TMEM62: variants seen among roughly 807,000 people sequenced by gnomAD.
TMEM62 encodes transmembrane protein 62.
TMEM62 carries 41 observed loss-of-function variants against 70.4 expected under a neutral mutation model. The observed-to-expected ratio is 0.58, with a 90% CI of 0.45 to 0.76. The LOEUF is 0.76. Among genes scored for constraint, TMEM62 ranks in the 30% least tolerant of loss-of-function variants. The pLI is 0.00. For synonymous variants in TMEM62, 268 were observed against 291.0 expected (o/e 0.92, Z 0.80); for missense variants, 688 against 788.5 (o/e 0.87, Z 1.53).
chr15:43,160,871 T>C (rs954141084), intron 10 of TMEM62, 77 bp downstream of exon 10: 16 of 701,184 alleles, frequency 2.3e-5, no homozygotes, highest in Non-Finnish European at 3.3e-5. Context: ...CCCTTATCCA[T>C]GATTTCACTT....
chr15:43,159,410 C>A (rs976004147), intron 9 of TMEM62, among the ~76,000 whole-genome samples: 1 of 152,192 alleles, frequency 6.6e-6, no homozygotes, highest in African/African-American at 2.4e-5. Context: ...TTTCTAGCCT[C>A]TGGTAACCAT....
chr15:43,140,079 T>TTG, intron 4 of TMEM62, among the ~76,000 whole-genome samples: 1 of 152,254 alleles, frequency 6.6e-6, no homozygotes, highest in African/African-American at 2.4e-5. Context: ...CTGATTTTTT[T>TTG]TTGTTGTTGT....
At chr15:43,169,781 T>C in intron 11 of TMEM62, 104 bp downstream of exon 11, 2 of 926,310 alleles carry the variant, frequency 2.2e-6, no homozygotes, top group Admixed American at 2.6e-5. Context: ...TGAATGACCA[T>C]GGCCCAGGGA....
At chr15:43,166,184 G>A (rs1480777700) in intron 10 of TMEM62, among the ~76,000 whole-genome samples, 1 of 152,266 alleles carries the variant, frequency 6.6e-6, no homozygotes, top group Admixed American at 6.5e-5. Context: ...CCTTACGTGG[G>A]CTTGGTGGGC....
intron 11 of TMEM62, among the ~76,000 whole-genome samples, chr15:43,171,698 G>C (rs1475869318): frequency 3.5e-5 from 5 of 144,144 alleles, no homozygotes; most frequent in Non-Finnish European, 7.5e-5. Flanking sequence ...CGCAATCTCA[G>C]CTCACTGCAA....
chr15:43,166,555 T>C (rs2039436200), intron 10 of TMEM62, among the ~76,000 whole-genome samples: 1 of 151,938 alleles, frequency 6.6e-6, no homozygotes, highest in South Asian at 2.1e-4. Context: ...CTTGAGGTTT[T>C]TCTTTTTTTT....
intron 10 of TMEM62, among the ~76,000 whole-genome samples, chr15:43,166,154 T>C (rs149349495): frequency 3.3e-3 from 499 of 152,384 alleles, no homozygotes; most frequent in African/African-American, 0.011. Flanking sequence ...CCAAGCCCAG[T>C]AATACTGCAA....
In TMEM62 at chr15:43,149,069, G is replaced by A. The variant is rs140128315; in HGVS notation, c.784G>A (p.Gly262Ser). The A allele has an allele frequency of 6.8e-6, 11 of 1,613,974 alleles. No individual in the cohort carries two copies. In the Admixed American group the frequency reaches 1.0e-4, roughly 15 times the overall value. Residue 262 changes from glycine (G) to serine (S), a missense_variant, in exon 7 of 14, where the codon GGT (glycine) becomes AGT (serine). Transcript: ENST00000260403. ...TTTGTGTGGACATCTCCATACACTT[G>A]GTGGACTGATGCCTGTTTTGCACAC... ...AYLCGHLHTL[G>S]GLMPVLHTRH...
chr15:43,171,232 A>G lies in TMEM62; in HGVS notation c.1381+1555A>G, dbSNP rs534907416. On this transcript the variant is annotated intron_variant, in intron 11 of 13. Transcript: ENST00000260403. ...ACACCTGTAGTCCTAGCTACTCGGG[A>G]GGCTGAGGCATGAGAATTGCTTGAA... Among the ~76,000 whole-genome samples, 87 of 152,020 alleles carry G rather than the reference A, an allele frequency of 5.7e-4. No homozygotes were observed. In the Middle Eastern group the frequency reaches 0.014, roughly 24 times the overall value.
chr15:43,160,028 G>T (rs2038500522), intron 9 of TMEM62, among the ~76,000 whole-genome samples: 1 of 151,952 alleles, frequency 6.6e-6, no homozygotes, highest in Admixed American at 6.6e-5. Context: ...GAGTGCAGTG[G>T]CGTGATCTCG....
chr15:43,139,813 A>G (rs2035744324), intron 4 of TMEM62, among the ~76,000 whole-genome samples: 1 of 152,220 alleles, frequency 6.6e-6, no homozygotes, highest in African/African-American at 2.4e-5. Flanking sequence ...CATGAGGTTT[A>G]AGGAAAGAAG....
chr15:43,161,062 G>A (rs1054786702), intron 10 of TMEM62, among the ~76,000 whole-genome samples: 2 of 151,938 alleles, frequency 1.3e-5, no homozygotes, highest in Non-Finnish European at 2.9e-5. Flanking sequence ...CTTTATCATA[G>A]GTATGTATTT....
chr15:43,165,325 G>T (rs551442117), intron 10 of TMEM62, among the ~76,000 whole-genome samples: 3 of 150,364 alleles, frequency 2.0e-5, no homozygotes, highest in South Asian at 2.1e-4. Context: ...TCTTCTATTT[G>T]ATGAGTTCTG....
chr15:43,150,848 T>C (rs2037275858), intron 7 of TMEM62, among the ~76,000 whole-genome samples: 1 of 152,260 alleles, frequency 6.6e-6, no homozygotes, highest in Non-Finnish European at 1.5e-5. Context: ...GGTCCCAACC[T>C]GATACCAGGA....
chr15:43,174,429 G>A (rs938729445), intron 11 of TMEM62, among the ~76,000 whole-genome samples: 4 of 151,972 alleles, frequency 2.6e-5, no homozygotes, highest in Non-Finnish European at 2.9e-5. Flanking sequence ...AAAATTCTAC[G>A]AAAAAGTTCA....
intron 8 of TMEM62, among the ~76,000 whole-genome samples, chr15:43,152,639 C>T (rs2037541916): frequency 6.6e-6 from 1 of 152,144 alleles, no homozygotes; most frequent in Admixed American, 6.5e-5. Flanking sequence ...AAGGGATCCG[C>T]CCTCCTACGC....
chr15:43,178,304 CAT>C (rs912162493), intron 11 of TMEM62, among the ~76,000 whole-genome samples: 83 of 151,722 alleles, frequency 5.5e-4, no homozygotes, highest in Non-Finnish European at 9.4e-4. Flanking sequence ...CATATATGTG[CAT>C]ATATATATGA....
At chr15:43,157,749 C>T (rs1338868255) in intron 9 of TMEM62, among the ~76,000 whole-genome samples, 1 of 152,072 alleles carries the variant, frequency 6.6e-6, no homozygotes, top group Non-Finnish European at 1.5e-5. Flanking sequence ...TTTTTAAAAA[C>T]TTAACCATGA....
chr15:43,162,582 C>T (rs2038881319), intron 10 of TMEM62, among the ~76,000 whole-genome samples: 3 of 152,004 alleles, frequency 2.0e-5, no homozygotes, highest in South Asian at 4.1e-4. Flanking sequence ...CCGGCGCCCA[C>T]CACCATGCCC....
Sources: allele counts gnomAD v4.1 joint callset (sites outside exome capture counted in the v4.1 genomes callset), GRCh38; gene constraint gnomAD v4.1.1; transcripts MANE v1.5; gene names NCBI Gene and HGNC (gene_info 2026-07-23, HGNC 2026-07-21).